Variants in FAM81B observed in about 807,000 individuals in gnomAD.
The protein encoded by FAM81B is family with sequence similarity 81 member B.
FAM81B carries 60 observed loss-of-function variants against 58.7 expected under a neutral mutation model. The observed-to-expected ratio is 1.02, with a 90% confidence interval of 0.83 to 1.27. The LOEUF is 1.27. FAM81B is among the 50% of genes most tolerant of loss of function. FAM81B has a pLI of 0.00. For synonymous variants in FAM81B, 189 were observed against 179.6 expected, an observed-to-expected ratio of 1.05 and a Z score of -0.42; for missense variants, 491 against 522.0, an observed-to-expected ratio of 0.94 and a Z score of 0.58.
Position 95,424,236 on chromosome 5 carries a change from T to G in FAM81B, c.656+3834T>G, listed in dbSNP as rs1466908186. Reference sequence around the variant, plus strand: ...CATAATAGTTATTGTTAGAATGCAGTCATGCATATGAATCACTTCCACTAT... The same window carrying G: ...CATAATAGTTATTGTTAGAATGCAGGCATGCATATGAATCACTTCCACTAT... On this transcript the variant is annotated intron_variant, in intron 5 of 9. Coordinates refer to ENST00000283357, the MANE Select transcript of FAM81B (RefSeq NM_152548.3). The G allele has an allele frequency of 5.4e-6, 7 of 1,286,996 alleles. No individual in the cohort carries two copies. In the South Asian group the frequency reaches 8.6e-5, roughly 16 times the overall value. The allele number at this position is 1,286,996 out of a possible 1,614,324, so 79.7% of individuals were successfully genotyped here. A position where few individuals can be genotyped will look rare whatever the true frequency, so the allele number is the denominator to read the frequency against.
At chr5:95,401,043 T>C (rs989231727) in intron 3 of FAM81B, among the ~76,000 whole-genome samples, 3 of 151,104 alleles carry the variant, frequency 2.0e-5, no homozygotes, top group African/African-American at 7.3e-5. Flanking sequence ...ATGCTTCACC[T>C]GTAAGTATGA....
At chr5:95,420,141 T>TA in intron 4 of FAM81B, 143 bp from the exon 5 acceptor site, 2 of 933,260 alleles carry the variant, frequency 2.1e-6, no homozygotes, top group South Asian at 3.4e-5. Context: ...AGAGATCACT[T>TA]CTCTCTGAGA....
chr5:95,409,190 G>T (rs571544975), intron 3 of FAM81B, among the ~76,000 whole-genome samples: 3 of 152,136 alleles, frequency 2.0e-5, no homozygotes, highest in South Asian at 2.1e-4. Flanking sequence ...ATGGAGTCTC[G>T]CTCTGTCGCC....
At chr5:95,394,453 A>G (rs905335565) in intron 2 of FAM81B, among the ~76,000 whole-genome samples, 6 of 152,160 alleles carry the variant, frequency 3.9e-5, no homozygotes, top group Non-Finnish European at 8.8e-5. Flanking sequence ...CAGAGGGAGC[A>G]GTGGAAAGGT....
At chr5:95,440,365 G>A (rs1219402910) in intron 7 of FAM81B, 5 of 746,036 alleles carry the variant, frequency 6.7e-6, no homozygotes, top group Admixed American at 5.4e-5. Flanking sequence ...GTTAAGGCTG[G>A]TGTGAAGGCT....
At chr5:95,442,001 A>G (rs1313172018) in intron 7 of FAM81B, among the ~76,000 whole-genome samples, 1 of 152,242 alleles carries the variant, frequency 6.6e-6, no homozygotes, top group Non-Finnish European at 1.5e-5. Flanking sequence ...TAAGAAAAGA[A>G]AAAGTGTTTG....
At chr5:95,439,490 G>A (rs1456950831) in intron 7 of FAM81B, among the ~76,000 whole-genome samples, 1 of 151,172 alleles carries the variant, frequency 6.6e-6, no homozygotes, top group Non-Finnish European at 1.5e-5. Flanking sequence ...TTTTGTATTG[G>A]GATTTTTGTC....
intron 4 of FAM81B, among the ~76,000 whole-genome samples, chr5:95,415,570 G>GTATT (rs1454945274): frequency 2.0e-5 from 3 of 152,118 alleles, no homozygotes; most frequent in African/African-American, 7.2e-5. Context: ...GTGATTAAAG[G>GTATT]TATTTCCATG....
chr5:95,427,116 C>T (rs1299557721), intron 5 of FAM81B, among the ~76,000 whole-genome samples: 1 of 152,134 alleles, frequency 6.6e-6, no homozygotes, highest in African/African-American at 2.4e-5. Context: ...GTCTATCTGA[C>T]ACCAGAAACC....
intron 6 of FAM81B, among the ~76,000 whole-genome samples, chr5:95,436,489 A>G (rs1209134514): frequency 6.6e-6 from 1 of 152,236 alleles, no homozygotes; most frequent in African/African-American, 2.4e-5. Flanking sequence ...TTAACAGACT[A>G]ATAAACAAAC....
chr5:95,402,483 C>T (rs1179213892), intron 3 of FAM81B, among the ~76,000 whole-genome samples: 1 of 152,178 alleles, frequency 6.6e-6, no homozygotes, highest in Non-Finnish European at 1.5e-5. Flanking sequence ...TCCACTTAAA[C>T]ATAAAATAAA....
chr5:95,426,452 T>C (rs1161563781), intron 5 of FAM81B, among the ~76,000 whole-genome samples: 1 of 152,106 alleles, frequency 6.6e-6, no homozygotes, highest in African/African-American at 2.4e-5. Context: ...AACTCTCAAG[T>C]TGAGTAAATA....
chr5:95,412,955 C>A (rs1432350844), intron 3 of FAM81B, among the ~76,000 whole-genome samples: 1 of 152,122 alleles, frequency 6.6e-6, no homozygotes, highest in Non-Finnish European at 1.5e-5. Flanking sequence ...ACAGTCAAAT[C>A]CCAAACTAAG....
At chr5:95,400,433 T>TACATACATAC (rs778492178) in intron 3 of FAM81B, among the ~76,000 whole-genome samples, 57 of 138,068 alleles carry the variant, frequency 4.1e-4, no homozygotes, top group African/African-American at 1.5e-3. Context: ...CATACATACA[T>TACATACATAC]ACACACACAC....
chr5:95,443,306 T>G (rs989286986), intron 7 of FAM81B, among the ~76,000 whole-genome samples: 1 of 152,184 alleles, frequency 6.6e-6, no homozygotes, highest in African/African-American at 2.4e-5. Flanking sequence ...ATAATTGCTC[T>G]CGGTGTGTAC....
chr5:95,439,562 T>C (rs1352055661), intron 7 of FAM81B, among the ~76,000 whole-genome samples: 2 of 151,850 alleles, frequency 1.3e-5, no homozygotes, highest in Non-Finnish European at 2.9e-5. Flanking sequence ...GACTGAGATA[T>C]GTATTGAAAA....
intron 7 of FAM81B, among the ~76,000 whole-genome samples, chr5:95,437,943 T>C (rs1319296821): frequency 2.6e-5 from 4 of 152,216 alleles, no homozygotes; most frequent in South Asian, 2.1e-4. Context: ...GATAATACTC[T>C]ACTTTCTCCA....
At chr5:95,420,542 G>A (rs932419279) in intron 5 of FAM81B, 140 bp downstream of exon 5, 2 of 1,245,838 alleles carry the variant, frequency 1.6e-6, no homozygotes, top group Admixed American at 4.7e-5. Context: ...TTGAGAAAGT[G>A]TACCATAGAA....
At chr5:95,440,450 C>T (rs1033124496) in intron 7 of FAM81B, 1 of 641,994 alleles carries the variant, frequency 1.6e-6, no homozygotes, top group South Asian at 1.4e-5. Context: ...TTCAGGAGCA[C>T]CTGACAGGAT....
Sources: gnomAD v4.1 joint callset for allele counts (sites outside exome capture counted in the v4.1 genomes callset) on GRCh38, gnomAD v4.1.1 for gene constraint, MANE v1.5 for transcripts, NCBI Gene and HGNC (gene_info 2026-07-23, HGNC 2026-07-21) for gene names.